TMEM86A: variants seen among roughly 807,000 people sequenced by gnomAD.
TMEM86A encodes transmembrane protein 86A.
Under a neutral mutation model 19.8 loss-of-function variants are expected in TMEM86A, and 13 were observed. That is an observed-to-expected ratio of 0.66 (90% CI 0.43 to 1.04). The LOEUF (loss-of-function observed/expected upper bound fraction) is 1.04, where lower values mean the gene tolerates loss of function less well. Ranked by LOEUF, TMEM86A falls within the 50% of genes least tolerant of loss-of-function variation. The probability of loss-of-function intolerance (pLI) is 0.00; values close to 1 mark genes in which losing one functional copy is unlikely to be tolerated. For missense variants in TMEM86A, 248 were observed against 306.8 expected, an observed-to-expected ratio of 0.81 and a Z score of 1.43; for synonymous variants, 128 against 129.9, an observed-to-expected ratio of 0.99 and a Z score of 0.10.
rs917832327 is a variant in TMEM86A at position 18,699,150 on chromosome 11, A to C, written c.21+243A>C. Among the ~76,000 whole-genome samples, 2 of 152,166 alleles carry C rather than the reference A, an allele frequency of 1.3e-5. No individual in the cohort carries two copies. The highest frequency in any genetic ancestry group is 2.9e-5 in the Non-Finnish European group (2 of 68,020). The stretch of plus-strand genomic sequence containing the variant: ...GGAAAACACTGGCCACGTGACTCGG[A>C]AGCGTGACTTTGTTGATCTCCATGT... On this transcript the variant is annotated intron_variant, in intron 1 of 2. Coordinates refer to ENST00000280734, the MANE Select transcript of TMEM86A (RefSeq NM_153347.3). This position sits in a 1 kb window ranked among gnomAD's most constrained non-coding sequence, Gnocchi z 4.0.
Position 18,701,871 on chromosome 11 carries a change from C to T in TMEM86A, c.585C>T (p.Leu195=), listed in dbSNP as rs376326393. Residue 195 remains leucine, a synonymous_variant, in exon 3 of 3, where the codon CTC becomes CTT. Transcript: ENST00000280734. The surrounding 1 kb of genome is among the most constrained non-coding windows in gnomAD (Gnocchi z 5.3). ...FFIISDLTIA[L]NKFCFPVPYS... The stretch of plus-strand genomic sequence containing the variant: ...TCATCTCAGACCTGACCATCGCCCT[C>T]AACAAATTCTGTTTTCCTGTGCCCT... 2.4e-5 allele frequency: 39 copies of T among 1,614,080 alleles called. No homozygotes were observed. The highest frequency in any genetic ancestry group is 1.6e-4 in the East Asian group (7 of 44,902).
chr11:18,700,848 G>A, intron 1 of TMEM86A, 85 bp from the exon 2 acceptor site: 1 of 1,543,644 alleles, frequency 6.5e-7, no homozygotes, highest in Non-Finnish European at 8.8e-7. Flanking sequence ...ATGGATGGGA[G>A]TGTCTCTGGG....
At position 18,704,566 on chromosome 11, in the gene TMEM86A, T is replaced by C. The variant is rs1848185516; in HGVS notation, c.*2557T>C. ...GAAAGAGCAAAGGAAGTATTCGTTATATTAATGATGCTGGCGACCAGGGAA... is the reference window on the plus strand; with the variant it reads ...GAAAGAGCAAAGGAAGTATTCGTTACATTAATGATGCTGGCGACCAGGGAA... On this transcript the variant is annotated 3_prime_UTR_variant, in exon 3 of 3. Coordinates refer to ENST00000280734, the MANE Select transcript of TMEM86A (RefSeq NM_153347.3). 1 of 1,410,184 alleles carries C rather than the reference T, an allele frequency of 7.1e-7. No individual in the cohort carries two copies. Among genetic ancestry groups the C allele is most frequent in the East Asian group, 2.5e-5 (1 of 40,222 alleles). 87.4% of individuals were successfully genotyped at this position (1,410,184 alleles called of 1,614,324 possible). A position where few individuals can be genotyped will look rare whatever the true frequency, so the allele number is the denominator to read the frequency against.
At position 18,701,605 on chromosome 11, in the gene TMEM86A, T is replaced by C; in HGVS notation, c.319T>C (p.Tyr107His). The stretch of plus-strand genomic sequence containing the variant: ...GATGTTTGCTGTGACCCACATGTTC[T>C]ACGCCTCGGCCTTTGGCATGCAGCC... The part of the protein sequence containing the change: ...LLMFAVTHMF[Y>H]ASAFGMQPLA... The change falls in exon 3 of 3, where the codon TAC (tyrosine) becomes CAC (histidine). Residue 107 changes from tyrosine (Y) to histidine (H), a missense_variant. Physicochemically the swap from Tyr to His is moderately conservative, Grantham distance 83 (BLOSUM62 2). Coordinates refer to ENST00000280734, the MANE Select transcript of TMEM86A (RefSeq NM_153347.3). This position sits in a 1 kb window ranked among gnomAD's most constrained non-coding sequence, Gnocchi z 5.3. 6.4e-7 allele frequency: 1 copy of C among 1,574,636 alleles called. No individual in the cohort carries two copies. Among genetic ancestry groups the C allele is most frequent in the Non-Finnish European group, 8.6e-7 (1 of 1,158,290 alleles).
chr11:18,702,033 C>T lies in TMEM86A; in HGVS notation c.*24C>T. 1 of 1,596,698 alleles carries T rather than the reference C, an allele frequency of 6.3e-7. No individual in the cohort carries two copies. Among genetic ancestry groups the T allele is most frequent in the Non-Finnish European group, 8.5e-7 (1 of 1,176,276 alleles). On this transcript the variant is annotated 3_prime_UTR_variant, in exon 3 of 3. Transcript: ENST00000280734. ...GAGGTGCCAGGGTCTGGTCACCCCT[C>T]TCTCCTCCTGGGGCTGGGGCCCAGA...
rs780549674 is a variant in TMEM86A, at chr11:18,700,999, C to G, written c.88C>G (p.Leu30Val). 2.2e-5 allele frequency: 35 copies of G among 1,614,094 alleles called. No homozygotes were observed. Among genetic ancestry groups the G allele is most frequent in the Non-Finnish European group, 3.0e-5 (35 of 1,180,050 alleles). Residue 30 changes from leucine to valine, a missense_variant, in exon 2 of 3, where the codon CTG becomes GTG. Leu to Val is a conservative substitution (Grantham distance 32). Transcript: ENST00000280734. ...KATCVYFVLW[L>V]PSSSPSWVST... ...CACCTGCGTGTATTTTGTGCTCTGG[C>G]TGCCCTCATCTAGCCCATCGTGGGT...
At chr11:18,700,356 G>A (rs1232582863) in intron 1 of TMEM86A, among the ~76,000 whole-genome samples, 1 of 152,218 alleles carries the variant, frequency 6.6e-6, no homozygotes, top group East Asian at 1.9e-4. Context: ...CCCTAGCATA[G>A]CCCTCCTTGC....
At chr11:18,700,897 A>G (rs778263943) in intron 1 of TMEM86A, 36 bp from the exon 2 acceptor site, 11 of 1,606,974 alleles carry the variant, frequency 6.8e-6, no homozygotes, top group East Asian at 2.2e-5. Flanking sequence ...TTCAACCCCC[A>G]AGTTCTGAGT....
rs1389439607 is a variant in TMEM86A, at chr11:18,701,799, C to CT, written c.514dup (p.Trp172LeufsTer125). 1 of 1,614,038 alleles carries CT rather than the reference C, an allele frequency of 6.2e-7. No homozygotes were observed. Among genetic ancestry groups the CT allele is most frequent in the African/African-American group, 1.3e-5 (1 of 74,940 alleles). On this transcript the variant is annotated frameshift_variant, in exon 3 of 3. Transcript: ENST00000280734. LOFTEE classifies it high-confidence loss of function. This position sits in a 1 kb window ranked among gnomAD's most constrained non-coding sequence, Gnocchi z 5.3. ...CAGGGCTGCGGCTGGCCGGGGCAGA[C>CT]TGGCGCTGGACAGAGCTGGCAGCTG...
Position 18,701,821 on chromosome 11 carries a change from G to A in TMEM86A, c.535G>A (p.Ala179Thr). The change falls in exon 3 of 3, where the codon GCT becomes ACT. Residue 179 changes from alanine to threonine, a missense_variant. Ala to Thr is a moderately conservative substitution (Grantham distance 58, BLOSUM62 0). Transcript: ENST00000280734. This position sits in a 1 kb window ranked among gnomAD's most constrained non-coding sequence, Gnocchi z 5.3. ...GADWRWTELAAGSGALFFIIS... is the reference protein window; with the variant it reads ...GADWRWTELATGSGALFFIIS... ...AGACTGGCGCTGGACAGAGCTGGCAGCTGGCAGTGGTGCACTCTTCTTTAT... is the reference window on the plus strand; with the variant it reads ...AGACTGGCGCTGGACAGAGCTGGCAACTGGCAGTGGTGCACTCTTCTTTAT... 1 of 1,614,162 alleles carries A rather than the reference G, an allele frequency of 6.2e-7. No individual in the cohort carries two copies. The highest frequency in any genetic ancestry group is 8.5e-7 in the Non-Finnish European group (1 of 1,180,040).
Position 18,701,554 on chromosome 11 carries a change from T to C in TMEM86A, c.287-19T>C. The C allele has an allele frequency of 6.5e-7, 1 of 1,534,694 alleles. No individual in the cohort carries two copies. The highest frequency in any genetic ancestry group is 8.8e-7 in the Non-Finnish European group (1 of 1,141,442). On this transcript the variant is annotated intron_variant, in intron 2 of 2. Coordinates refer to ENST00000280734, the MANE Select transcript of TMEM86A (RefSeq NM_153347.3). This position sits in a 1 kb window ranked among gnomAD's most constrained non-coding sequence, Gnocchi z 5.3. Reference sequence around the variant, plus strand: ...TCATCAAGCTTGCCCTCAGCTGCCTTTGCCCCTCTTACCCCCAGGTCTGCT... The same window carrying C: ...TCATCAAGCTTGCCCTCAGCTGCCTCTGCCCCTCTTACCCCCAGGTCTGCT...
rs1326439056 is a variant in TMEM86A, at chr11:18,702,954, CT to C, written c.*948del. 3.9e-5 allele frequency: 6 copies of C among 152,774 alleles called. No individual in the cohort carries two copies. Among genetic ancestry groups the C allele is most frequent in the Non-Finnish European group, 7.3e-5 (5 of 68,124 alleles). 9.5% of individuals were successfully genotyped at this position (152,774 alleles called of 1,614,324 possible). The stretch of plus-strand genomic sequence containing the variant: ...CCCTCCAACACACATACTCACAGTG[CT>C]TTCCTCCTTGTCCCTCCTACACTAG... On this transcript the variant is annotated 3_prime_UTR_variant, in exon 3 of 3. Transcript: ENST00000280734.
At chr11:18,700,651 C>G (rs1019419553) in intron 1 of TMEM86A, 19 of 522,302 alleles carry the variant, frequency 3.6e-5, no homozygotes, top group African/African-American at 3.4e-4. Context: ...TAAAGGGGCC[C>G]TGAGGAGGGA....
Position 18,701,243 on chromosome 11 carries a change from G to C in TMEM86A, c.286+46G>C, listed in dbSNP as rs370730864. 91 of 1,598,108 alleles carry C rather than the reference G, an allele frequency of 5.7e-5. No individual in the cohort carries two copies. The highest frequency in any genetic ancestry group is 7.4e-5 in the Non-Finnish European group (87 of 1,171,520). On this transcript the variant is annotated intron_variant, in intron 2 of 2. Transcript: ENST00000280734. The surrounding 1 kb of genome is among the most constrained non-coding windows in gnomAD (Gnocchi z 5.3). ...CCTGGGAGGAGTCCTGGGGCTGGGG[G>C]ATAGAGGGTCCTGGGCTGTGGGCAA...
intron 1 of TMEM86A, chr11:18,700,649 C>T: frequency 1.9e-6 from 1 of 517,620 alleles, no homozygotes; most frequent in Non-Finnish European, 3.5e-6. Context: ...GCTAAAGGGG[C>T]CCTGAGGAGG....
chr11:18,704,618 A>G lies in TMEM86A; in HGVS notation c.*2609A>G. 1.1e-6 allele frequency: 1 copy of G among 891,534 alleles called. No individual in the cohort carries two copies. Among genetic ancestry groups the G allele is most frequent in the Non-Finnish European group, 1.8e-6 (1 of 557,028 alleles). 55.2% of individuals were successfully genotyped at this position (891,534 alleles called of 1,614,324 possible). A position where few individuals can be genotyped will look rare whatever the true frequency, so the allele number is the denominator to read the frequency against. On this transcript the variant is annotated 3_prime_UTR_variant, in exon 3 of 3. Coordinates refer to ENST00000280734, the MANE Select transcript of TMEM86A (RefSeq NM_153347.3). ...TTCCAAACTGCTGGACTTCCTATGC[A>G]GGAAACCAGGAGCTGGACCCTGGGA...
chr11:18,698,855 G>A lies in TMEM86A; in HGVS notation c.-32G>A. On this transcript the variant is annotated 5_prime_UTR_variant, in exon 1 of 3. Coordinates refer to ENST00000280734, the MANE Select transcript of TMEM86A (RefSeq NM_153347.3). ...GGGCGCGTCCTGGCCGCTGCAGCCC[G>A]GAGCAGGGTGCCAGCCGCCGCCGCC... The A allele has an allele frequency of 1.5e-6, 1 of 673,464 alleles. No individual in the cohort carries two copies. 41.7% of individuals were successfully genotyped at this position (673,464 alleles called of 1,614,324 possible). A position where few individuals can be genotyped will look rare whatever the true frequency, so the allele number is the denominator to read the frequency against.
rs1235464663 is a variant in TMEM86A, at chr11:18,701,678, G to A, written c.392G>A (p.Cys131Tyr). Residue 131 changes from cysteine (C) to tyrosine (Y), a missense_variant, in exon 3 of 3, where the codon TGC becomes TAC. Cys to Tyr is a radical substitution (Grantham distance 194). Coordinates refer to ENST00000280734, the MANE Select transcript of TMEM86A (RefSeq NM_153347.3). This position sits in a 1 kb window ranked among gnomAD's most constrained non-coding sequence, Gnocchi z 5.3. ...GTGATGGCAGCGCTGTCGGGCCTGTGCTATGCCCTCCTCTACCCATGCCTC... is the reference window on the plus strand; with the variant it reads ...GTGATGGCAGCGCTGTCGGGCCTGTACTATGCCCTCCTCTACCCATGCCTC... ...GLVMAALSGL[C>Y]YALLYPCLSG... The A allele has an allele frequency of 6.2e-7, 1 of 1,613,918 alleles. No homozygotes were observed. The highest frequency in any genetic ancestry group is 8.5e-7 in the Non-Finnish European group (1 of 1,179,902).
chr11:18,702,251 T>A lies in TMEM86A; in HGVS notation c.*242T>A. ...CAGACTGGAGCCAGAAGTAGACATC[T>A]CCCCACCTCTACCCTATCAGGACTT... On this transcript the variant is annotated 3_prime_UTR_variant, in exon 3 of 3. Coordinates refer to ENST00000280734, the MANE Select transcript of TMEM86A (RefSeq NM_153347.3). The A allele has an allele frequency of 1.8e-6, 1 of 559,278 alleles. No homozygotes were observed. Among genetic ancestry groups the A allele is most frequent in the Non-Finnish European group, 3.2e-6 (1 of 312,324 alleles). The allele number at this position is 559,278 out of a possible 1,614,324, so 34.6% of individuals were successfully genotyped here.
Sources: allele counts gnomAD v4.1 joint callset (sites outside exome capture counted in the v4.1 genomes callset), GRCh38; gene constraint gnomAD v4.1.1; non-coding constraint Gnocchi (gnomAD v3.1); transcripts MANE v1.5; gene names NCBI Gene and HGNC (gene_info 2026-07-23, HGNC 2026-07-21).